The following IPO11 variants were observed in gnomAD, a reference collection of about 807,000 sequenced individuals.
The protein encoded by IPO11 is importin-11.
In IPO11, 66 loss-of-function variants were observed where a neutral mutation model predicts 143.2. The observed-to-expected ratio is 0.46, with a 90% confidence interval of 0.38 to 0.57. The LOEUF (loss-of-function observed/expected upper bound fraction) is 0.57, where lower values mean the gene tolerates loss of function less well. Among genes scored for constraint, IPO11 ranks in the 20% least tolerant of loss-of-function variants. The pLI is 0.00. For missense variants in IPO11, 1,026 were observed against 1,141.0 expected (o/e 0.90, Z 1.45); for synonymous variants, 385 against 377.8 (o/e 1.02, Z -0.22).
chr5:62,595,629 A>G (rs1275739501), intron 28 of IPO11, among the ~76,000 whole-genome samples: 1 of 152,178 alleles, frequency 6.6e-6, no homozygotes, highest in East Asian at 1.9e-4. Context: ...TTGCCTATTA[A>G]CGTTGATACT....
intron 27 of IPO11, chr5:62,581,297 C>T: frequency 6.6e-7 from 1 of 1,514,018 alleles, no homozygotes; most frequent in Non-Finnish European, 8.8e-7. Flanking sequence ...TTTGAACATT[C>T]TGCTTTATAA....
At chr5:62,589,844 G>A (rs770088500) in intron 27 of IPO11, among the ~76,000 whole-genome samples, 1 of 152,172 alleles carries the variant, frequency 6.6e-6, no homozygotes, top group Non-Finnish European at 1.5e-5. Flanking sequence ...ATCTGTCCAT[G>A]GAGTAGTAGG....
At position 62,515,404 on chromosome 5, in the gene IPO11, G is replaced by T. The variant is rs1467730618; in HGVS notation, c.1799G>T (p.Gly600Val). 6.2e-7 allele frequency: 1 copy of T among 1,606,726 alleles called. No homozygotes were observed. The highest frequency in any genetic ancestry group is 2.2e-5 in the East Asian group (1 of 44,588). The change falls in exon 20 of 30, where the codon GGA becomes GTA. Residue 600 changes from glycine to valine, a missense_variant. By Grantham distance (109) the Gly-to-Val change is moderately radical. Around this residue, in one of 5 missense-constraint regions of IPO11, gnomAD observed 237 missense variants for 288.0 expected, o/e 0.82. Transcript: ENST00000325324. ...TTGTAATAGATACGACCATATGTGGGATGTTTGGTACAATATTTGCCCCTC... is the reference window on the plus strand; with the variant it reads ...TTGTAATAGATACGACCATATGTGGTATGTTTGGTACAATATTTGCCCCTC... ...RVNMQIRPYV[G>V]CLVQYLPLLW...
At chr5:62,500,052 A>G (rs1397239619) in intron 16 of IPO11, among the ~76,000 whole-genome samples, 1 of 152,224 alleles carries the variant, frequency 6.6e-6, no homozygotes, top group Admixed American at 6.5e-5. Flanking sequence ...TGGAAGGCCA[A>G]GGCGGGCAAA....
chr5:62,620,286 G>A (rs368006206), intron 29 of IPO11, among the ~76,000 whole-genome samples: 32 of 152,108 alleles, frequency 2.1e-4, no homozygotes, highest in Admixed American at 1.6e-3. Flanking sequence ...TTGGGAGGCC[G>A]AGGTGGGCGG....
intron 27 of IPO11, 111 bp downstream of exon 27, chr5:62,561,368 T>G: frequency 2.0e-6 from 1 of 493,734 alleles, no homozygotes; most frequent in Non-Finnish European, 3.2e-6. Context: ...TTTATATATA[T>G]GGATGTGAAT....
intron 20 of IPO11, among the ~76,000 whole-genome samples, chr5:62,516,515 A>G (rs1008613477): frequency 2.0e-5 from 3 of 152,044 alleles, no homozygotes; most frequent in Non-Finnish European, 4.4e-5. Context: ...GCTGGTCTCA[A>G]ACTCCTGACC....
At chr5:62,420,777 C>T (rs939149651) in intron 1 of IPO11, among the ~76,000 whole-genome samples, 1 of 152,092 alleles carries the variant, frequency 6.6e-6, no homozygotes, top group Non-Finnish European at 1.5e-5. Context: ...GATGGGGTTT[C>T]TCCATGTTGC....
At chr5:62,561,012 C>A (rs1743751058) in intron 26 of IPO11, 124 bp from the exon 27 acceptor site, 5 of 802,396 alleles carry the variant, frequency 6.2e-6, no homozygotes, top group Non-Finnish European at 9.3e-6. Flanking sequence ...TCAGGTATTC[C>A]AGTTCTGTGG....
intron 1 of IPO11, among the ~76,000 whole-genome samples, chr5:62,419,458 A>T (rs1743422786): frequency 6.6e-6 from 1 of 152,204 alleles, no homozygotes; most frequent in Non-Finnish European, 1.5e-5. Context: ...TACGTTGTTT[A>T]AAACAGACGC....
intron 29 of IPO11, among the ~76,000 whole-genome samples, chr5:62,620,823 A>G (rs1746332032): frequency 6.6e-6 from 1 of 152,204 alleles, no homozygotes; most frequent in Non-Finnish European, 1.5e-5. Context: ...GCTTGCCATC[A>G]TGGCCTGAAG....
intron 27 of IPO11, among the ~76,000 whole-genome samples, chr5:62,581,821 A>G (rs1342841170): frequency 6.6e-6 from 1 of 152,208 alleles, no homozygotes; most frequent in East Asian, 1.9e-4. Context: ...CAGTGCGATG[A>G]TAAGTACTGT....
chr5:62,513,220 C>G (rs1188790866), intron 19 of IPO11, among the ~76,000 whole-genome samples: 1 of 151,906 alleles, frequency 6.6e-6, no homozygotes, highest in Non-Finnish European at 1.5e-5. Flanking sequence ...GGCGCTGACC[C>G]CCCCATCTCC....
chr5:62,572,532 T>C (rs1032066359), intron 27 of IPO11, among the ~76,000 whole-genome samples: 1 of 144,994 alleles, frequency 6.9e-6, no homozygotes, highest in Non-Finnish European at 1.5e-5. Flanking sequence ...ATTGTGTATA[T>C]GTATATTTGT....
intron 9 of IPO11, 114 bp from the exon 10 acceptor site, chr5:62,482,987 A>G (rs1450747651): frequency 4.4e-6 from 3 of 678,352 alleles, no homozygotes; most frequent in African/African-American, 3.6e-5. Flanking sequence ...TAGACTCCAC[A>G]CTAAGGTTCA....
chr5:62,525,990 T>C, intron 20 of IPO11, 152 bp from the exon 21 acceptor site: 2 of 616,758 alleles, frequency 3.2e-6, no homozygotes, highest in Admixed American at 6.1e-5. Context: ...TAAACAGAAC[T>C]TTGTTTTGCT....
intron 20 of IPO11, among the ~76,000 whole-genome samples, chr5:62,525,811 TA>T (rs1160818309): frequency 6.6e-5 from 10 of 152,330 alleles, no homozygotes; most frequent in African/African-American, 2.2e-4. Context: ...CTATAGAATT[TA>T]AAATACCAAA....
chr5:62,424,513 A>G (rs978982508), intron 1 of IPO11, among the ~76,000 whole-genome samples: 13 of 98,466 alleles, frequency 1.3e-4, no homozygotes, highest in Non-Finnish European at 6.0e-5. Flanking sequence ...GCTCACTGCA[A>G]CCTCTGCCTC....
At chr5:62,557,846 C>T (rs746860971) in intron 26 of IPO11, among the ~76,000 whole-genome samples, 2 of 152,162 alleles carry the variant, frequency 1.3e-5, no homozygotes, top group Admixed American at 6.5e-5. Flanking sequence ...CTGCACTGTC[C>T]GTACCCCAAC....
Sources: allele counts gnomAD v4.1 joint callset (sites outside exome capture counted in the v4.1 genomes callset), GRCh38; gene constraint gnomAD v4.1.1; regional missense constraint gnomAD v4.1.1; transcripts MANE v1.5; gene names NCBI Gene and HGNC (gene_info 2026-07-23, HGNC 2026-07-21).